Variants in FASTKD2 observed in about 807,000 individuals in gnomAD.
FASTKD2 encodes the protein FAST kinase domain-containing protein 2, mitochondrial.
A neutral mutation model predicts 63.6 loss-of-function variants in FASTKD2; 51 were observed. That is an observed-to-expected ratio of 0.80 (90% confidence interval 0.64 to 1.01). The LOEUF (loss-of-function observed/expected upper bound fraction) is 1.01, where lower values mean the gene tolerates loss of function less well. Among genes scored for constraint, FASTKD2 ranks in the 50% least tolerant of loss-of-function variants. The probability of loss-of-function intolerance (pLI) is 0.00; values close to 1 mark genes in which losing one functional copy is unlikely to be tolerated. For synonymous variants in FASTKD2, 284 were observed against 293.4 expected (o/e 0.97, Z 0.33); for missense variants, 786 against 831.1 (o/e 0.95, Z 0.67).
chr2:206,769,455 A>G (rs1689608753), intron 2 of FASTKD2, among the ~76,000 whole-genome samples: 1 of 152,202 alleles, frequency 6.6e-6, no homozygotes, highest in Admixed American at 6.5e-5. Context: ...CTGTGTTGTT[A>G]CTATTCACTT....
At chr2:206,780,952 T>G (rs1689955533) in intron 7 of FASTKD2, among the ~76,000 whole-genome samples, 1 of 152,208 alleles carries the variant, frequency 6.6e-6, no homozygotes, top group Non-Finnish European at 1.5e-5. Context: ...AATTGCTGTT[T>G]AGTTCTTTCT....
intron 2 of FASTKD2, among the ~76,000 whole-genome samples, chr2:206,769,231 G>A (rs964409088): frequency 3.3e-5 from 5 of 152,198 alleles, no homozygotes; most frequent in Admixed American, 2.6e-4. Flanking sequence ...CTGTAAAATT[G>A]TTAAGGAAAC....
intron 10 of FASTKD2, chr2:206,790,048 C>T (rs1359201161): frequency 6.5e-6 from 1 of 152,876 alleles, no homozygotes; most frequent in Admixed American, 6.5e-5. Flanking sequence ...AAACAAATTA[C>T]ACCTTCCACA....
chr2:206,766,598 AGTTTT>A (rs1689485344), intron 1 of FASTKD2, 41 bp from the exon 2 acceptor site: 2 of 1,063,196 alleles, frequency 1.9e-6, no homozygotes, highest in Admixed American at 3.6e-5. Flanking sequence ...TTTAAGTAAA[AGTTTT>A]GTTTTAATTT....
rs371981683 is a variant in FASTKD2 at position 206,774,408 on chromosome 2, GT to G, written c.1427+20del. ...ATGCCAGAACAAAGAGTATGTACTTGTTTTTTTTTACCTTTTTTATTGCCAT... is the reference window on the plus strand; with the variant it reads ...ATGCCAGAACAAAGAGTATGTACTTGTTTTTTTTACCTTTTTTATTGCCAT... On this transcript the variant is annotated intron_variant, in intron 7 of 11. Transcript: ENST00000402774. 124 of 1,529,282 alleles carry G rather than the reference GT, an allele frequency of 8.1e-5. No individual in the cohort carries two copies. The highest frequency in any genetic ancestry group is 9.7e-5 in the African/African-American group (7 of 72,528). 94.7% of individuals were successfully genotyped at this position (1,529,282 alleles called of 1,614,324 possible).
chr2:206,786,019 GTTTA>G (rs1428163485), intron 7 of FASTKD2, among the ~76,000 whole-genome samples: 2 of 152,080 alleles, frequency 1.3e-5, no homozygotes, highest in Non-Finnish European at 2.9e-5. Flanking sequence ...AAAAGCTTCT[GTTTA>G]TTTTCTTTCC....
intron 6 of FASTKD2, among the ~76,000 whole-genome samples, chr2:206,772,633 G>T (rs1377730107): frequency 6.6e-6 from 1 of 152,174 alleles, no homozygotes; most frequent in Admixed American, 6.5e-5. Flanking sequence ...GTGATATGTT[G>T]TATGATGCTC....
Position 206,765,739 on chromosome 2 carries a change from G to C in FASTKD2, c.-59G>C, listed in dbSNP as rs562090897. 1 of 161,044 alleles carries C rather than the reference G, an allele frequency of 6.2e-6. No homozygotes were observed. Among genetic ancestry groups the C allele is most frequent in the Admixed American group, 6.5e-5 (1 of 15,332 alleles). The allele number at this position is 161,044 out of a possible 1,614,324, so 10.0% of individuals were successfully genotyped here. A position where few individuals can be genotyped will look rare whatever the true frequency, so the allele number is the denominator to read the frequency against. ...TTCGAGGAGAAGAGTCTCACGAGTT[G>C]TCCTGGAAGTAAGTTTAAAGGAGGT... On this transcript the variant is annotated 5_prime_UTR_variant, in exon 1 of 12. Transcript: ENST00000402774.
At position 206,795,953 on chromosome 2, in the gene FASTKD2, G is replaced by C. The variant is rs1690438910; in HGVS notation, c.*4151G>C. Reference sequence around the variant, plus strand: ...CTTCTGGACAGCCAGTTATGTGATAGTGTTCTGAGAGTCATTCCTGGAAGT... The same window carrying C: ...CTTCTGGACAGCCAGTTATGTGATACTGTTCTGAGAGTCATTCCTGGAAGT... On this transcript the variant is annotated 3_prime_UTR_variant, in exon 12 of 12. Transcript: ENST00000402774. Among the ~76,000 whole-genome samples the C allele has an allele frequency of 6.6e-6, 1 of 152,144 alleles. No individual in the cohort carries two copies. The highest frequency in any genetic ancestry group is 2.4e-5 in the African/African-American group (1 of 41,432).
chr2:206,771,653 CA>C (rs71034472), intron 4 of FASTKD2, among the ~76,000 whole-genome samples: 13,954 of 44,326 alleles, frequency 0.31, 366 homozygotes, highest in Middle Eastern at 0.38. Flanking sequence ...CCTGTCTCTG[CA>C]AAAAAAAAAA....
rs1411485588 is a variant in FASTKD2, at chr2:206,766,862, A to G, written c.169A>G (p.Asn57Asp). ...TTGCAAACCAAAAATAGTTCATTCA[A>G]ACTGGAACATTTTAAATAACTTTCA... ...GLCKPKIVHS[N>D]WNILNNFHNR... The change falls in exon 2 of 12, where the codon AAC becomes GAC. Residue 57 changes from asparagine (N) to aspartate (D), a missense_variant. Transcript: ENST00000402774. The G allele has an allele frequency of 6.2e-7, 1 of 1,605,066 alleles. No individual in the cohort carries two copies. The highest frequency in any genetic ancestry group is 8.5e-7 in the Non-Finnish European group (1 of 1,175,812).
intron 8 of FASTKD2, 40 bp downstream of exon 8, chr2:206,786,939 A>G (rs1343831160): frequency 6.8e-6 from 5 of 730,150 alleles, no homozygotes; most frequent in South Asian, 1.4e-5. Flanking sequence ...ATTGTGACCA[A>G]TTCTGCACTA....
chr2:206,774,265 G>T lies in FASTKD2; in HGVS notation c.1295G>T (p.Arg432Leu), dbSNP rs372022584. Reference sequence around the variant, plus strand: ...ATTTTATTTGAAAACCTTGGCTTTCGACCTGTTGGTTTAATGGACCTGTTT... The same window carrying T: ...ATTTTATTTGAAAACCTTGGCTTTCTACCTGTTGGTTTAATGGACCTGTTT... Reference protein sequence around the residue: ...ILILFENLGFRPVGLMDLFMK... With the variant: ...ILILFENLGFLPVGLMDLFMK... Residue 432 changes from arginine (R) to leucine (L), a missense_variant, in exon 7 of 12, where the codon CGA becomes CTA. Physicochemically the swap from Arg to Leu is moderately radical, Grantham distance 102. Transcript: ENST00000402774. 6.2e-7 allele frequency: 1 copy of T among 1,611,598 alleles called. No individual in the cohort carries two copies. Among genetic ancestry groups the T allele is most frequent in the Non-Finnish European group, 8.5e-7 (1 of 1,178,552 alleles).
chr2:206,767,040 C>T lies in FASTKD2; in HGVS notation c.347C>T (p.Ser116Leu). 6.2e-7 allele frequency: 1 copy of T among 1,613,498 alleles called. No individual in the cohort carries two copies. Among genetic ancestry groups the T allele is most frequent in the Non-Finnish European group, 8.5e-7 (1 of 1,179,512 alleles). Reference protein sequence around the residue: ...LLYAKRLFFDSKQSLVPVDKS... With the variant: ...LLYAKRLFFDLKQSLVPVDKS... ...TATGCTAAAAGACTGTTTTTTGACT[C>T]AAAGCAGTCTCTTGTCCCTGTTGAT... is the stretch of plus-strand genomic sequence containing the variant. Residue 116 changes from serine to leucine, a missense_variant, in exon 2 of 12, where the codon TCA becomes TTA. Transcript: ENST00000402774.
chr2:206,776,297 A>G (rs1689823694), intron 7 of FASTKD2, among the ~76,000 whole-genome samples: 1 of 151,866 alleles, frequency 6.6e-6, no homozygotes, highest in Non-Finnish European at 1.5e-5. Context: ...ATGGTTTGCA[A>G]ATATTTTCTC....
intron 2 of FASTKD2, among the ~76,000 whole-genome samples, chr2:206,767,710 G>A (rs1689564213): frequency 6.6e-6 from 1 of 152,156 alleles, no homozygotes; most frequent in Non-Finnish European, 1.5e-5. Context: ...GTTGAGTAGT[G>A]GTGAAGAAGC....
In FASTKD2 at chr2:206,794,831, A is replaced by G. The variant is rs1468592443; in HGVS notation, c.*3029A>G. 2.0e-5 allele frequency among the ~76,000 whole-genome samples: 3 copies of G among 152,208 alleles called. No homozygotes were observed. Among genetic ancestry groups the G allele is most frequent in the Non-Finnish European group, 2.9e-5 (2 of 68,036 alleles). ...AATTTATAGAATGTCATGTGTTGTG[A>G]GGGTAGTCACCCTGCAACTGGCTTG... On this transcript the variant is annotated 3_prime_UTR_variant, in exon 12 of 12. Coordinates refer to ENST00000402774, the MANE Select transcript of FASTKD2 (RefSeq NM_001136193.2).
chr2:206,770,338 C>A (rs1349881951), intron 3 of FASTKD2, 144 bp downstream of exon 3: 3 of 690,784 alleles, frequency 4.3e-6, no homozygotes, highest in Non-Finnish European at 7.9e-6. Flanking sequence ...GTCTTTCATA[C>A]CTTATTAAGC....
chr2:206,772,444 T>C, intron 6 of FASTKD2, 124 bp downstream of exon 6: 4 of 1,016,798 alleles, frequency 3.9e-6, no homozygotes, highest in Middle Eastern at 3.0e-4. Flanking sequence ...CAATGCTGAA[T>C]TGACTTTTGA....
Sources: gnomAD v4.1 joint callset for allele counts (sites outside exome capture counted in the v4.1 genomes callset) on GRCh38, gnomAD v4.1.1 for gene constraint, MANE v1.5 for transcripts, NCBI Gene and HGNC (gene_info 2026-07-23, HGNC 2026-07-21) for gene names.